The following PSTPIP2 variants were observed in gnomAD, a reference collection of about 807,000 sequenced individuals.
PSTPIP2 encodes proline-serine-threonine phosphatase-interacting protein 2.
A neutral mutation model predicts 63.3 loss-of-function variants in PSTPIP2; 33 were observed. The observed-to-expected ratio is 0.52, with a 90% CI of 0.40 to 0.70. The LOEUF is 0.70. PSTPIP2 is among the 30% of genes least tolerant of loss of function. The pLI is 0.00. For missense variants in PSTPIP2, 312 were observed against 400.7 expected (o/e 0.78, Z 1.89); for synonymous variants, 125 against 132.7 (o/e 0.94, Z 0.40).
intron 5 of PSTPIP2, chr18:46,010,877 A>G: frequency 3.5e-6 from 1 of 286,724 alleles, no homozygotes; most frequent in Non-Finnish European, 6.7e-6. Context: ...GGGATGTGCT[A>G]GAGTCTATTG....
rs553042454 is a variant in PSTPIP2 at position 46,015,939 on chromosome 18, T to TA, written c.213-3dup. 9.7e-5 allele frequency: 157 copies of TA among 1,610,774 alleles called. No homozygotes were observed. Among genetic ancestry groups the TA allele is most frequent in the Middle Eastern group, 1.6e-4 (1 of 6,074 alleles). On this transcript the variant is annotated splice_polypyrimidine_tract_variant and splice_region_variant and intron_variant, in intron 3 of 14. Transcript: ENST00000409746. ...ACTTCAAGGGCCCGCTTCAGGGTGC[T>TA]AAAAAAAACAAGCACATATATAATT... is the stretch of plus-strand genomic sequence containing the variant.
At chr18:46,011,091 G>A (rs1228809874) in intron 5 of PSTPIP2, 90 bp downstream of exon 5, 4 of 1,054,004 alleles carry the variant, frequency 3.8e-6, no homozygotes, top group Admixed American at 1.9e-5. Flanking sequence ...ACATGATGGT[G>A]GGAGCTGAGC....
At chr18:46,068,767 G>T (rs946255635) in intron 1 of PSTPIP2, among the ~76,000 whole-genome samples, 5 of 152,172 alleles carry the variant, frequency 3.3e-5, no homozygotes, top group Admixed American at 3.3e-4. Flanking sequence ...CTGCATGGGA[G>T]TCCTAGAACC....
At chr18:46,028,057 A>C (rs1907645753) in intron 2 of PSTPIP2, among the ~76,000 whole-genome samples, 1 of 152,200 alleles carries the variant, frequency 6.6e-6, no homozygotes, top group Non-Finnish European at 1.5e-5. Flanking sequence ...GCTACTCAAG[A>C]GGCTGAGGCA....
chr18:46,044,102 C>A (rs865947949), intron 1 of PSTPIP2, among the ~76,000 whole-genome samples: 8 of 152,074 alleles, frequency 5.3e-5, no homozygotes, highest in Admixed American at 3.9e-4. Context: ...CCATCAAAAT[C>A]CTGAAAGTCT....
At position 45,998,788 on chromosome 18, in the gene PSTPIP2, C is replaced by T. The variant is rs774332686; in HGVS notation, c.562+6G>A. 2 of 1,613,584 alleles carry T rather than the reference C, an allele frequency of 1.2e-6. No individual in the cohort carries two copies. The highest frequency in any genetic ancestry group is 3.3e-5 in the Admixed American group (2 of 59,944). On this transcript the variant is annotated splice_donor_region_variant and intron_variant, in intron 8 of 14. Transcript: ENST00000409746. ...CCTCCCCCATCCGTAGGAACTGCCCCCTCACCTGAGTCCTCTACTGCGGTC... is the reference window on the plus strand; with the variant it reads ...CCTCCCCCATCCGTAGGAACTGCCCTCTCACCTGAGTCCTCTACTGCGGTC...
intron 1 of PSTPIP2, among the ~76,000 whole-genome samples, chr18:46,056,346 G>A (rs192523106): frequency 2.6e-5 from 4 of 152,272 alleles, no homozygotes; most frequent in Admixed American, 1.3e-4. Flanking sequence ...GGTCCAAAAC[G>A]TCACCCTCCT....
intron 2 of PSTPIP2, among the ~76,000 whole-genome samples, chr18:46,025,474 A>G (rs1054435511): frequency 6.6e-6 from 1 of 152,106 alleles, no homozygotes; most frequent in Non-Finnish European, 1.5e-5. Context: ...TTTTCTCTGC[A>G]TTTACATGCC....
chr18:45,992,720 TTTTA>T (rs1376987511), intron 10 of PSTPIP2, among the ~76,000 whole-genome samples: 1 of 151,400 alleles, frequency 6.6e-6, no homozygotes, highest in Non-Finnish European at 1.5e-5. Context: ...TTATTTTTTA[TTTTA>T]TTATTTTTTT....
intron 1 of PSTPIP2, among the ~76,000 whole-genome samples, chr18:46,066,048 A>T (rs935599786): frequency 1.3e-5 from 2 of 152,164 alleles, no homozygotes; most frequent in Non-Finnish European, 2.9e-5. Context: ...TGTTAATATT[A>T]AAAACTATTG....
chr18:45,991,253 A>C (rs533971471), intron 12 of PSTPIP2, among the ~76,000 whole-genome samples: 2 of 152,234 alleles, frequency 1.3e-5, no homozygotes, highest in Non-Finnish European at 2.9e-5. Flanking sequence ...TTAGACTGCA[A>C]GCTGACTATG....
chr18:46,016,826 T>C (rs2051856862), intron 3 of PSTPIP2, among the ~76,000 whole-genome samples: 1 of 152,204 alleles, frequency 6.6e-6, no homozygotes, highest in Non-Finnish European at 1.5e-5. Flanking sequence ...ATACTTACCC[T>C]CAGCAATAAA....
intron 2 of PSTPIP2, 36 bp from the exon 3 acceptor site, chr18:46,024,722 C>T (rs1907516379): frequency 6.5e-7 from 1 of 1,536,766 alleles, no homozygotes; most frequent in African/African-American, 1.4e-5. Flanking sequence ...GGGTCCTTCT[C>T]AGAGCTGACT....
chr18:45,996,624 G>GT (rs1467708189), intron 9 of PSTPIP2, among the ~76,000 whole-genome samples: 1 of 149,628 alleles, frequency 6.7e-6, no homozygotes, highest in Non-Finnish European at 1.5e-5. Flanking sequence ...TATGAGGAGA[G>GT]TAAAAAAAAA....
intron 4 of PSTPIP2, among the ~76,000 whole-genome samples, chr18:46,014,189 A>G (rs1196279192): frequency 2.0e-5 from 3 of 152,124 alleles, no homozygotes; most frequent in Non-Finnish European, 4.4e-5. Context: ...TGCCTGGCTA[A>G]CTTTTGTATT....
At chr18:46,057,333 CTT>C (rs1187275590) in intron 1 of PSTPIP2, among the ~76,000 whole-genome samples, 3 of 145,700 alleles carry the variant, frequency 2.1e-5, no homozygotes, top group African/African-American at 2.5e-5. Context: ...TTTTCTTTTT[CTT>C]TTTTTTTTTG....
chr18:46,035,178 T>C (rs1161299367), intron 2 of PSTPIP2, among the ~76,000 whole-genome samples: 1 of 152,044 alleles, frequency 6.6e-6, no homozygotes, highest in Non-Finnish European at 1.5e-5. Flanking sequence ...TCCCAGCACC[T>C]TGGGAGGCTG....
At chr18:46,061,306 CAAAA>C (rs112035966) in intron 1 of PSTPIP2, among the ~76,000 whole-genome samples, 1 of 115,934 alleles carries the variant, frequency 8.6e-6, no homozygotes, top group African/African-American at 3.0e-5. Flanking sequence ...TCCATTTCAC[CAAAA>C]AAAAAAAAAA....
intron 6 of PSTPIP2, among the ~76,000 whole-genome samples, chr18:46,001,312 T>C (rs1426327779): frequency 1.3e-5 from 2 of 152,226 alleles, no homozygotes; most frequent in Non-Finnish European, 2.9e-5. Flanking sequence ...TGGTATCTCA[T>C]TGTGGTTTTA....
Sources: allele counts gnomAD v4.1 joint callset (sites outside exome capture counted in the v4.1 genomes callset), GRCh38; gene constraint gnomAD v4.1.1; transcripts MANE v1.5; gene names NCBI Gene and HGNC (gene_info 2026-07-23, HGNC 2026-07-21).